TTF1: variants seen among roughly 807,000 people sequenced by gnomAD.
The protein encoded by TTF1 is transcription termination factor 1, also known as transcription termination factor, RNA polymerase I.
TTF1 carries 64 observed loss-of-function variants against 80.2 expected under a neutral mutation model. That is an observed-to-expected ratio of 0.80 (90% CI 0.65 to 0.98). The LOEUF (loss-of-function observed/expected upper bound fraction) is 0.98. Ranked by LOEUF, TTF1 falls within the 50% of genes least tolerant of loss-of-function variation. TTF1 has a pLI of 0.00. For synonymous variants in TTF1, 372 were observed against 382.7 expected (o/e 0.97, Z 0.33); for missense variants, 1,023 against 1,086.2 (o/e 0.94, Z 0.82).
chr9:132,401,673 GTTGGATTCC>G lies in TTF1; in HGVS notation c.1140_1148del (p.Lys380_Ser382del). On this transcript the variant is annotated inframe_deletion, in exon 2 of 11. Coordinates refer to ENST00000334270, the MANE Select transcript of TTF1 (RefSeq NM_007344.4). ...TTTTCTTAGACTTCTTCTTTGTACT[GTTGGATTCC>G]TTGAACCCTTTAAGAGCTGTACTGC... 1 of 1,614,170 alleles carries G rather than the reference GTTGGATTCC, an allele frequency of 6.2e-7. No individual in the cohort carries two copies.
At chr9:132,376,280 G>T in intron 10 of TTF1, 112 bp from the exon 11 acceptor site, 1 of 1,199,182 alleles carries the variant, frequency 8.3e-7, no homozygotes, top group Non-Finnish European at 1.1e-6. Flanking sequence ...TTATTGCTGT[G>T]TGTAAGGTCT....
intron 9 of TTF1, among the ~76,000 whole-genome samples, chr9:132,383,401 C>T (rs1242367814): frequency 6.6e-6 from 1 of 152,098 alleles, no homozygotes. Flanking sequence ...TCCTGATTCT[C>T]GATTGTACTA....
chr9:132,390,803 A>T lies in TTF1; in HGVS notation c.2016T>A (p.Ser672=), dbSNP rs767931395. ...CAGCCTTGATTAGTTTCCGGGTTTCAGACTTACTCCAAGCACCACGATTTC... is the reference window on the plus strand; with the variant it reads ...CAGCCTTGATTAGTTTCCGGGTTTCTGACTTACTCCAAGCACCACGATTTC... The part of the protein sequence containing the change: ...SQRNRGAWSK[S]ETRKLIKAVE... Residue 672 remains serine (S), a synonymous_variant, in exon 7 of 11, where the codon TCT becomes TCA. Coordinates refer to ENST00000334270, the MANE Select transcript of TTF1 (RefSeq NM_007344.4). 5.6e-6 allele frequency: 9 copies of T among 1,614,084 alleles called. No individual in the cohort carries two copies. The East Asian group carries it at 8.9e-5, about 16-fold the overall frequency.
chr9:132,377,920 GTGCATGTGGTGCGTGTGAA>G (rs1190887970), intron 10 of TTF1, among the ~76,000 whole-genome samples: 2 of 127,362 alleles, frequency 1.6e-5, no homozygotes, highest in East Asian at 2.7e-4. Flanking sequence ...GTGTGTGTGA[GTGCATGTGGTGCGTGTGAA>G]TGCATGTGGT....
chr9:132,401,639 T>A lies in TTF1; in HGVS notation c.1183A>T (p.Thr395Ser). 1 of 1,614,238 alleles carries A rather than the reference T, an allele frequency of 6.2e-7. No individual in the cohort carries two copies. The highest frequency in any genetic ancestry group is 8.5e-7 in the Non-Finnish European group (1 of 1,180,044). ...GACACTCGTGCCCTTTTGACAGACG[T>A]AAGCTTCCTTTTCTTAGACTTCTTC... Reference protein sequence around the residue: ...TKKKSKKRKLTSVKRARVSGD... With the variant: ...TKKKSKKRKLSSVKRARVSGD... Residue 395 changes from threonine (T) to serine (S), a missense_variant, in exon 2 of 11, where the codon ACG becomes TCG. By Grantham distance (58) the Thr-to-Ser change is moderately conservative. Coordinates refer to ENST00000334270, the MANE Select transcript of TTF1 (RefSeq NM_007344.4).
chr9:132,405,504 G>A (rs1283591158), intron 1 of TTF1, among the ~76,000 whole-genome samples: 3 of 152,218 alleles, frequency 2.0e-5, no homozygotes, highest in Non-Finnish European at 4.4e-5. Context: ...CACAGCGCCC[G>A]GCCTTGATTT....
intron 9 of TTF1, among the ~76,000 whole-genome samples, chr9:132,385,998 G>C (rs994297194): frequency 2.0e-5 from 3 of 152,168 alleles, no homozygotes; most frequent in Non-Finnish European, 4.4e-5. Context: ...GGTGGGTGAA[G>C]AGTAATTCTG....
At chr9:132,392,430 G>A (rs978811728) in intron 5 of TTF1, among the ~76,000 whole-genome samples, 2 of 152,066 alleles carry the variant, frequency 1.3e-5, no homozygotes, top group South Asian at 2.1e-4. Context: ...AACAGCAGCC[G>A]GAGCAATCAC....
Position 132,379,039 on chromosome 9 carries a change from T to A in TTF1, c.2464+20A>T. ...ACCAAATGCCATGTTCTTAGCCATA[T>A]AAATATTAAGAATACTAACCTGGAA... On this transcript the variant is annotated intron_variant, in intron 10 of 10. Transcript: ENST00000334270. 1 of 1,572,488 alleles carries A rather than the reference T, an allele frequency of 6.4e-7. No individual in the cohort carries two copies. The highest frequency in any genetic ancestry group is 1.2e-5 in the South Asian group (1 of 84,506).
intron 10 of TTF1, among the ~76,000 whole-genome samples, chr9:132,378,121 A>G (rs1227453187): frequency 5.3e-5 from 3 of 56,980 alleles, no homozygotes; most frequent in Non-Finnish European, 6.3e-5. Context: ...GTGTGAGTGC[A>G]TGCATGTGGT....
Position 132,400,248 on chromosome 9 carries a change from C to T in TTF1, c.1378G>A (p.Ala460Thr), listed in dbSNP as rs756192934. The change falls in exon 3 of 11, where the codon GCA becomes ACA. Residue 460 changes from alanine to threonine, a missense_variant. By Grantham distance (58) the Ala-to-Thr change is moderately conservative. Coordinates refer to ENST00000334270, the MANE Select transcript of TTF1 (RefSeq NM_007344.4). ...HVQEAPRLEPANEEHNVETAE... is the reference protein window; with the variant it reads ...HVQEAPRLEPTNEEHNVETAE... ...GTTTCCACATTGTGTTCTTCATTTG[C>T]AGGTTCTAACCTAAGGGGTTAGAAA... The T allele has an allele frequency of 8.0e-5, 129 of 1,614,028 alleles. No homozygotes were observed. Among genetic ancestry groups the T allele is most frequent in the Non-Finnish European group, 1.1e-4 (124 of 1,180,020 alleles).
At chr9:132,378,216 TG>T (rs1177530744) in intron 10 of TTF1, among the ~76,000 whole-genome samples, 1 of 104,046 alleles carries the variant, frequency 9.6e-6, no homozygotes, top group Admixed American at 1.1e-4. Context: ...TGAATGCATG[TG>T]GTGTGTGAGT....
chr9:132,399,198 CAAAAAAAA>C (rs1257892532), intron 3 of TTF1, among the ~76,000 whole-genome samples: 1 of 48,224 alleles, frequency 2.1e-5, no homozygotes. Flanking sequence ...GACTCTGTCT[CAAAAAAAA>C]AAAAAAAAGA....
chr9:132,377,797 T>TGTGCATGTGGTGTGA lies in TTF1; in HGVS notation c.2464+1247_2464+1261dup, dbSNP rs1279630486. ...GGTGTGTGTGAGTGCATGTGGTGTG[T>TGTGCATGTGGTGTGA]GTGCATGTGGTGTGAGTGCATGTGG... On this transcript the variant is annotated intron_variant, in intron 10 of 10. Transcript: ENST00000334270. Among the ~76,000 whole-genome samples, 49 of 116,084 alleles carry TGTGCATGTGGTGTGA rather than the reference T, an allele frequency of 4.2e-4. 1 individual carries two copies. The highest frequency in any genetic ancestry group is 1.4e-3 in the African/African-American group (42 of 29,232). The allele number at this position is 116,084 out of a possible 152,430, so 76.2% of individuals were successfully genotyped here.
intron 9 of TTF1, among the ~76,000 whole-genome samples, chr9:132,381,942 C>T (rs1218509404): frequency 6.6e-6 from 1 of 152,224 alleles, no homozygotes; most frequent in African/African-American, 2.4e-5. Flanking sequence ...GTCAGCCAGG[C>T]TGCAGCAGCC....
At chr9:132,396,401 G>A in intron 5 of TTF1, 32 bp downstream of exon 5, 1 of 1,593,788 alleles carries the variant, frequency 6.3e-7, no homozygotes, top group Non-Finnish European at 8.6e-7. Context: ...CTAGAGAAAT[G>A]TTGTCTCAAG....
intron 3 of TTF1, 23 bp downstream of exon 3, chr9:132,400,012 A>G: frequency 6.2e-7 from 1 of 1,613,152 alleles, no homozygotes; most frequent in Non-Finnish European, 8.5e-7. Context: ...AGTTCAACAA[A>G]CACTAAGGCC....
chr9:132,387,751 G>A (rs1353719783), intron 8 of TTF1, among the ~76,000 whole-genome samples: 2 of 152,180 alleles, frequency 1.3e-5, no homozygotes, highest in African/African-American at 4.8e-5. Flanking sequence ...ACAAGCAAGG[G>A]TGACACCAAC....
rs146266813 is a variant in TTF1 at position 132,396,736 on chromosome 9, C to T, written c.1778-225G>A. Among the ~76,000 whole-genome samples, 437 of 150,850 alleles carry T rather than the reference C, an allele frequency of 2.9e-3. 2 individuals are homozygous for T. Among genetic ancestry groups the T allele is most frequent in the African/African-American group, 0.01 (421 of 41,022 alleles). ...AGGCTGGAGTGCAGTGGCACTGTGTCGGCTCACTGCAACCTCCATCTCTTG... is the reference window on the plus strand; with the variant it reads ...AGGCTGGAGTGCAGTGGCACTGTGTTGGCTCACTGCAACCTCCATCTCTTG... On this transcript the variant is annotated intron_variant, in intron 4 of 10. Transcript: ENST00000334270.
Sources: allele counts gnomAD v4.1 joint callset (sites outside exome capture counted in the v4.1 genomes callset), GRCh38; gene constraint gnomAD v4.1.1; transcripts MANE v1.5; gene names NCBI Gene and HGNC (gene_info 2026-07-23, HGNC 2026-07-21).